The following UBE2V2 variants were observed in gnomAD, a reference collection of about 807,000 sequenced individuals.
UBE2V2 encodes the protein ubiquitin-conjugating enzyme E2 variant 2.
In UBE2V2, 9 loss-of-function variants were observed where a neutral mutation model predicts 17.2. That is an observed-to-expected ratio of 0.52 (90% CI 0.32 to 0.91). The LOEUF (loss-of-function observed/expected upper bound fraction) is 0.91. UBE2V2 is among the 40% of genes least tolerant of loss of function. The pLI, the probability that UBE2V2 is intolerant of heterozygous loss-of-function variation, is 0.04. For missense variants in UBE2V2, 133 were observed against 182.6 expected, an observed-to-expected ratio of 0.73 and a Z score of 1.56; for synonymous variants, 61 against 57.5, an observed-to-expected ratio of 1.06 and a Z score of -0.28.
chr8:48,006,731 A>G (rs188808230), upstream of UBE2V2, among the ~76,000 whole-genome samples: 156 of 152,326 alleles, frequency 1.0e-3, no homozygotes, highest in Non-Finnish European at 1.4e-3. Context: ...CTTCGACAAA[A>G]TTCAACAGCC....
chr8:47,999,278 G>A, the UBE2V2 span, among the ~76,000 whole-genome samples: 32 of 152,154 alleles, frequency 2.1e-4, no homozygotes, highest in Non-Finnish European at 4.0e-4. Context: ...ACTGAGGAGA[G>A]CAAAGATCAC....
At chr8:48,032,110 T>A (rs1723413175) in intron 1 of UBE2V2, among the ~76,000 whole-genome samples, 1 of 152,142 alleles carries the variant, frequency 6.6e-6, no homozygotes, top group Non-Finnish European at 1.5e-5. Flanking sequence ...AGACAGTATT[T>A]AAAAAAACTG....
chr8:48,007,704 G>A (rs936399643), upstream of UBE2V2, among the ~76,000 whole-genome samples: 7 of 149,908 alleles, frequency 4.7e-5, no homozygotes, highest in Non-Finnish European at 7.4e-5. Flanking sequence ...AGTGAGCTTC[G>A]GCGCCCAGCC....
intron 1 of UBE2V2, among the ~76,000 whole-genome samples, chr8:48,015,289 A>G (rs2091261456): frequency 6.6e-6 from 1 of 152,024 alleles, no homozygotes; most frequent in South Asian, 2.1e-4. Flanking sequence ...GAGGTAGAGT[A>G]TGGGTTGAGC....
chr8:48,011,433 C>G (rs1039006672), intron 1 of UBE2V2, among the ~76,000 whole-genome samples: 1 of 152,210 alleles, frequency 6.6e-6, no homozygotes, highest in Non-Finnish European at 1.5e-5. Context: ...CTGCTCCGGC[C>G]TCCCAAAGTT....
chr8:48,017,307 T>G (rs1001423429), intron 1 of UBE2V2, among the ~76,000 whole-genome samples: 3 of 152,208 alleles, frequency 2.0e-5, no homozygotes, highest in Admixed American at 1.3e-4. Flanking sequence ...TCCTTATATA[T>G]TTTGGTTATT....
chr8:48,048,864 A>G lies in UBE2V2; in HGVS notation c.166-989A>G, dbSNP rs1355208035. On this transcript the variant is annotated intron_variant, in intron 2 of 3. Coordinates refer to ENST00000523111, the MANE Select transcript of UBE2V2 (RefSeq NM_003350.3). ...TTAAATTTTTCACTTTCATTTATTTATGTATATATTTTTATGTTATTTTAA... is the reference window on the plus strand; with the variant it reads ...TTAAATTTTTCACTTTCATTTATTTGTGTATATATTTTTATGTTATTTTAA... 2.0e-5 allele frequency among the ~76,000 whole-genome samples: 3 copies of G among 151,854 alleles called. 1 individual carries two copies. Among genetic ancestry groups the G allele is most frequent in the South Asian group, 4.1e-4 (2 of 4,830 alleles).
intron 3 of UBE2V2, among the ~76,000 whole-genome samples, chr8:48,059,773 T>C (rs750886868): frequency 3.3e-5 from 5 of 152,132 alleles, no homozygotes; most frequent in Non-Finnish European, 4.4e-5. Context: ...AGTGAAGATA[T>C]GTGAGCTCTG....
chr8:48,001,065 C>T, the UBE2V2 span, among the ~76,000 whole-genome samples: 2 of 152,102 alleles, frequency 1.3e-5, no homozygotes, highest in South Asian at 2.1e-4. Flanking sequence ...TACAAACCAA[C>T]CGAGTGCGCT....
chr8:48,035,647 G>T (rs2091418513), intron 1 of UBE2V2, among the ~76,000 whole-genome samples: 1 of 133,314 alleles, frequency 7.5e-6, no homozygotes, highest in African/African-American at 2.9e-5. Flanking sequence ...GTGTGTGTGT[G>T]TGTGTGTGTG....
chr8:48,016,721 A>G (rs2091271274), intron 1 of UBE2V2, among the ~76,000 whole-genome samples: 1 of 148,684 alleles, frequency 6.7e-6, no homozygotes, highest in Non-Finnish European at 1.5e-5. Context: ...ACCTCAGGTG[A>G]TCTTCCCACC....
At chr8:48,021,746 G>A (rs968712219) in intron 1 of UBE2V2, among the ~76,000 whole-genome samples, 3 of 151,270 alleles carry the variant, frequency 2.0e-5, no homozygotes, top group Admixed American at 6.6e-5. Flanking sequence ...GGAGTGCAGT[G>A]GTGTGATCTT....
chr8:48,012,922 T>G (rs1436020201), intron 1 of UBE2V2, among the ~76,000 whole-genome samples: 1 of 151,712 alleles, frequency 6.6e-6, no homozygotes, highest in Non-Finnish European at 1.5e-5. Context: ...CTGGGCTCAC[T>G]GCAACCTCTG....
chr8:48,043,095 G>A lies in UBE2V2; in HGVS notation c.79G>A (p.Gly27Ser). 6.3e-7 allele frequency: 1 copy of A among 1,599,034 alleles called. No individual in the cohort carries two copies. The highest frequency in any genetic ancestry group is 8.5e-7 in the Non-Finnish European group (1 of 1,171,138). The change falls in exon 2 of 4, where the codon GGC becomes AGC. Residue 27 changes from glycine to serine, a missense_variant. By Grantham distance (56) the Gly-to-Ser change is moderately conservative. Coordinates refer to ENST00000523111, the MANE Select transcript of UBE2V2 (RefSeq NM_003350.3). ...EELEEGQKGV[G>S]DGTVSWGLED... ...ACTTGAAGAAGGACAAAAAGGAGTA[G>A]GCGACGGTACAGTTAGCTGGGGCCT...
At chr8:48,004,525 GTTTTGTTT>G (rs1043239377), upstream of UBE2V2, among the ~76,000 whole-genome samples, 1 of 132,930 alleles carries the variant, frequency 7.5e-6, no homozygotes, top group African/African-American at 2.7e-5. Flanking sequence ...TTTTTTTTTT[GTTTTGTTT>G]TTTTGTTTTT....
chr8:48,039,453 T>G (rs191691029), intron 1 of UBE2V2, among the ~76,000 whole-genome samples: 12 of 152,340 alleles, frequency 7.9e-5, no homozygotes, highest in African/African-American at 2.9e-4. Flanking sequence ...TTTTTATGTT[T>G]GTTGGTCATT....
chr8:48,000,952 A>G, the UBE2V2 span, among the ~76,000 whole-genome samples: 1 of 151,808 alleles, frequency 6.6e-6, no homozygotes, highest in Admixed American at 6.6e-5. Context: ...ATTTTGATGC[A>G]TTGACGACTT....
intron 2 of UBE2V2, among the ~76,000 whole-genome samples, chr8:48,043,912 T>C (rs1364399122): frequency 1.3e-5 from 2 of 151,928 alleles, no homozygotes; most frequent in Non-Finnish European, 2.9e-5. Flanking sequence ...TTAGTCTTTT[T>C]TTCTAGCTTG....
At chr8:48,029,173 A>G (rs1230525486) in intron 1 of UBE2V2, among the ~76,000 whole-genome samples, 1 of 151,782 alleles carries the variant, frequency 6.6e-6, no homozygotes, top group Non-Finnish European at 1.5e-5. Context: ...ACAAAAAAAT[A>G]AAAAAATTAG....
Sources: gnomAD v4.1 joint callset for allele counts (sites outside exome capture counted in the v4.1 genomes callset) on GRCh38, gnomAD v4.1.1 for gene constraint, MANE v1.5 for transcripts, NCBI Gene and HGNC (gene_info 2026-07-23, HGNC 2026-07-21) for gene names.